Variants in VOPP1 observed in about 807,000 individuals in gnomAD.
VOPP1 encodes WW domain binding protein VOPP1.
Under a neutral mutation model 23.5 loss-of-function variants are expected in VOPP1, and 8 were observed. The observed-to-expected ratio is 0.34, with a 90% CI of 0.20 to 0.61. VOPP1 has a LOEUF of 0.61. Ranked by LOEUF, VOPP1 falls within the 20% of genes least tolerant of loss-of-function variation. The probability of loss-of-function intolerance (pLI) is 0.78; values close to 1 mark genes in which losing one functional copy is unlikely to be tolerated. For missense variants in VOPP1, 174 were observed against 238.1 expected (o/e 0.73, Z 1.77); for synonymous variants, 83 against 97.3 (o/e 0.85, Z 0.86).
intron 1 of VOPP1, chr7:55,537,557 A>G (rs1584069217): frequency 6.5e-7 from 1 of 1,535,726 alleles, no homozygotes; most frequent in East Asian, 2.4e-5. Flanking sequence ...CAGGCAGCGC[A>G]CCTCCTCGCC....
intron 4 of VOPP1, among the ~76,000 whole-genome samples, chr7:55,447,023 G>C (rs1243076384): frequency 6.6e-6 from 1 of 152,150 alleles, no homozygotes; most frequent in Non-Finnish European, 1.5e-5. Flanking sequence ...ACGGGCTTGT[G>C]GCAATGCCAG....
chr7:55,482,124 G>T (rs976581588), intron 4 of VOPP1, among the ~76,000 whole-genome samples: 5 of 152,028 alleles, frequency 3.3e-5, no homozygotes, highest in South Asian at 4.2e-4. Flanking sequence ...AGTATTAAAA[G>T]GACTTCCTTT....
intron 1 of VOPP1, among the ~76,000 whole-genome samples, chr7:55,532,976 T>C (rs1362111288): frequency 6.6e-6 from 1 of 152,198 alleles, no homozygotes; most frequent in Non-Finnish European, 1.5e-5. Context: ...ACAGCAAATT[T>C]GGGGAGAAAG....
At chr7:55,489,217 C>T (rs1484909733) in intron 4 of VOPP1, among the ~76,000 whole-genome samples, 1 of 152,218 alleles carries the variant, frequency 6.6e-6, no homozygotes, top group Non-Finnish European at 1.5e-5. Flanking sequence ...TGTACACTAC[C>T]GGGAGCCCTG....
intron 1 of VOPP1, among the ~76,000 whole-genome samples, chr7:55,527,308 G>C (rs953011464): frequency 2.6e-5 from 4 of 152,176 alleles, no homozygotes; most frequent in Non-Finnish European, 4.4e-5. Flanking sequence ...TTTTAGAGAT[G>C]AGAGTATGAG....
chr7:55,504,700 T>C (rs1475695920), intron 2 of VOPP1, among the ~76,000 whole-genome samples: 1 of 152,242 alleles, frequency 6.6e-6, no homozygotes, highest in Non-Finnish European at 1.5e-5. Flanking sequence ...GATTCATGAC[T>C]CACACAGCCA....
downstream of VOPP1, among the ~76,000 whole-genome samples, chr7:55,469,699 C>T (rs1249568201): frequency 1.3e-5 from 2 of 152,180 alleles, no homozygotes; most frequent in Non-Finnish European, 2.9e-5. Context: ...CCAGCACTGC[C>T]TGCTACAAGG....
chr7:55,546,879 A>G (rs953703939), intron 1 of VOPP1, among the ~76,000 whole-genome samples: 12 of 152,170 alleles, frequency 7.9e-5, no homozygotes, highest in Non-Finnish European at 1.6e-4. Context: ...CTGCATCCTA[A>G]AACCAACAGG....
At chr7:55,552,909 T>C (rs970683662) in intron 1 of VOPP1, 14 of 1,109,600 alleles carry the variant, frequency 1.3e-5, no homozygotes, top group Non-Finnish European at 1.6e-5. Flanking sequence ...GAAAAAATTA[T>C]ACGTGCTGCT....
chr7:55,450,033 C>T (rs1791204197), intron 4 of VOPP1, among the ~76,000 whole-genome samples: 1 of 152,246 alleles, frequency 6.6e-6, no homozygotes, highest in Admixed American at 6.5e-5. Context: ...CCGCATCTTA[C>T]ATTTCTGTGC....
chr7:55,557,303 G>A (rs1797842950), intron 1 of VOPP1, among the ~76,000 whole-genome samples: 2 of 152,156 alleles, frequency 1.3e-5, no homozygotes, highest in South Asian at 4.1e-4. Context: ...TGGGGCAGGG[G>A]TGGGAAGGCT....
intron 4 of VOPP1, among the ~76,000 whole-genome samples, chr7:55,458,609 A>G (rs2129003088): frequency 6.6e-6 from 1 of 152,122 alleles, no homozygotes; most frequent in East Asian, 1.9e-4. Flanking sequence ...CCTTGTAGAG[A>G]CCTTTCACCT....
chr7:55,461,453 C>A (rs1273243409), intron 4 of VOPP1, among the ~76,000 whole-genome samples: 1 of 152,146 alleles, frequency 6.6e-6, no homozygotes, highest in Admixed American at 6.5e-5. Context: ...ACTCCGTAGC[C>A]CAGGCTGGAG....
intron 1 of VOPP1, among the ~76,000 whole-genome samples, chr7:55,539,941 A>ACACACG (rs57690071): frequency 7.1e-6 from 1 of 141,212 alleles, no homozygotes; most frequent in Non-Finnish European, 1.5e-5. Context: ...ACACACACAC[A>ACACACG]GCCTCCCAAA....
chr7:55,512,357 C>T (rs537586987), intron 2 of VOPP1, among the ~76,000 whole-genome samples: 3 of 151,938 alleles, frequency 2.0e-5, no homozygotes, highest in Non-Finnish European at 2.9e-5. Flanking sequence ...ACCTGGAAGG[C>T]GGAGGTTGCA....
chr7:55,441,754 C>G (rs1430910697), intron 4 of VOPP1, among the ~76,000 whole-genome samples: 1 of 152,186 alleles, frequency 6.6e-6, no homozygotes, highest in African/African-American at 2.4e-5. Flanking sequence ...TCTGCCAGAC[C>G]TGCCCCACTT....
chr7:55,454,062 T>C (rs188866763), intron 4 of VOPP1, among the ~76,000 whole-genome samples: 154 of 152,304 alleles, frequency 1.0e-3, no homozygotes, highest in Non-Finnish European at 2.6e-4. Flanking sequence ...CATATAACAA[T>C]TATATGCATT....
intron 1 of VOPP1, among the ~76,000 whole-genome samples, chr7:55,563,613 AATTC>A (rs1798058607): frequency 1.3e-5 from 2 of 152,310 alleles, no homozygotes; most frequent in Non-Finnish European, 2.9e-5. Flanking sequence ...CTAAAGATGA[AATTC>A]ATTTATGTTC....
downstream of VOPP1, among the ~76,000 whole-genome samples, chr7:55,467,798 C>T (rs79961668): frequency 0.013 from 1,909 of 152,278 alleles, 13 homozygotes; most frequent in Admixed American, 0.021. Flanking sequence ...GCTTACTTTC[C>T]GTTCACATGA....
Sources: gnomAD v4.1 joint callset for allele counts (sites outside exome capture counted in the v4.1 genomes callset) on GRCh38, gnomAD v4.1.1 for gene constraint, MANE v1.5 for transcripts, NCBI Gene and HGNC (gene_info 2026-07-23, HGNC 2026-07-21) for gene names.